SLC25A21: variants seen among roughly 807,000 people sequenced by gnomAD.
The protein encoded by SLC25A21 is solute carrier family 25 member 21, also known as mitochondrial 2-oxodicarboxylate carrier.
In SLC25A21, 47 loss-of-function variants were observed where a neutral mutation model predicts 43.8. The ratio of observed to expected loss-of-function variants is 1.07; its 90% CI spans 0.85 to 1.37. The LOEUF (loss-of-function observed/expected upper bound fraction) is 1.37, where lower values mean the gene tolerates loss of function less well. Ranked by LOEUF, SLC25A21 falls within the 40% of genes most tolerant of loss-of-function variation. The probability of loss-of-function intolerance (pLI) is 0.00; values close to 1 mark genes in which losing one functional copy is unlikely to be tolerated. For synonymous variants in SLC25A21, 131 were observed against 121.3 expected, an observed-to-expected ratio of 1.08 and a Z score of -0.52; for missense variants, 352 against 350.2, an observed-to-expected ratio of 1.00 and a Z score of -0.04.
At chr14:36,736,672 CAG>C (rs1214178200) in intron 3 of SLC25A21, among the ~76,000 whole-genome samples, 3 of 151,770 alleles carry the variant, frequency 2.0e-5, no homozygotes, top group Non-Finnish European at 2.9e-5. Flanking sequence ...GCTTTTAAAA[CAG>C]AGTGTCCAGA....
chr14:36,822,576 G>A (rs1022841085), intron 2 of SLC25A21, among the ~76,000 whole-genome samples: 3 of 152,168 alleles, frequency 2.0e-5, no homozygotes, highest in African/African-American at 7.2e-5. Context: ...GAAAAAATAT[G>A]TAACCTGGAG....
chr14:36,891,335 A>G (rs1433429351), intron 1 of SLC25A21, among the ~76,000 whole-genome samples: 2 of 152,138 alleles, frequency 1.3e-5, no homozygotes, highest in African/African-American at 2.4e-5. Flanking sequence ...ACATTTATCT[A>G]TTTTCCAGAT....
chr14:36,713,666 T>C (rs903468411), intron 6 of SLC25A21, among the ~76,000 whole-genome samples: 1 of 152,178 alleles, frequency 6.6e-6, no homozygotes, highest in African/African-American at 2.4e-5. Flanking sequence ...TCTAAATTTC[T>C]AAATAAGGAT....
At chr14:37,155,871 A>G (rs1047627265) in intron 1 of SLC25A21, among the ~76,000 whole-genome samples, 1 of 152,060 alleles carries the variant, frequency 6.6e-6, no homozygotes, top group African/African-American at 2.4e-5. Context: ...AAAACACACA[A>G]AAGTAGCCCA....
At chr14:37,137,154 C>G (rs985310073) in intron 1 of SLC25A21, among the ~76,000 whole-genome samples, 2 of 152,118 alleles carry the variant, frequency 1.3e-5, no homozygotes, top group Non-Finnish European at 2.9e-5. Context: ...CCCGCCACCT[C>G]GCCCAGCTAA....
intron 1 of SLC25A21, among the ~76,000 whole-genome samples, chr14:36,919,770 G>C (rs1891930910): frequency 6.6e-6 from 1 of 151,882 alleles, no homozygotes; most frequent in Admixed American, 6.6e-5. Context: ...TTGAATCAAA[G>C]TTATACACTC....
chr14:36,722,633 A>C (rs1343686495), intron 6 of SLC25A21, among the ~76,000 whole-genome samples: 3 of 152,156 alleles, frequency 2.0e-5, no homozygotes, highest in African/African-American at 7.2e-5. Flanking sequence ...GGGTTAAATA[A>C]AATATATTAT....
At chr14:36,925,210 A>G (rs1001781879) in intron 1 of SLC25A21, among the ~76,000 whole-genome samples, 1 of 152,196 alleles carries the variant, frequency 6.6e-6, no homozygotes, top group African/African-American at 2.4e-5. Context: ...CAACCTACAA[A>G]ATAGTAATCC....
intron 1 of SLC25A21, among the ~76,000 whole-genome samples, chr14:36,948,731 T>C (rs1335962923): frequency 1.3e-5 from 2 of 152,162 alleles, no homozygotes; most frequent in Non-Finnish European, 2.9e-5. Context: ...AAATGTGTTG[T>C]AGATATAAAA....
chr14:36,965,204 G>C (rs1046123700), intron 1 of SLC25A21, among the ~76,000 whole-genome samples: 3 of 152,068 alleles, frequency 2.0e-5, no homozygotes, highest in African/African-American at 7.2e-5. Flanking sequence ...CTGACCTACA[G>C]AGTAGACTTA....
chr14:37,133,812 T>C (rs1963432422), intron 1 of SLC25A21, among the ~76,000 whole-genome samples: 1 of 152,158 alleles, frequency 6.6e-6, no homozygotes, highest in African/African-American at 2.4e-5. Flanking sequence ...GCCTACATGT[T>C]CTTGTTTGCT....
chr14:36,703,181 A>G (rs1883355392), intron 7 of SLC25A21, among the ~76,000 whole-genome samples: 1 of 152,188 alleles, frequency 6.6e-6, no homozygotes, highest in Non-Finnish European at 1.5e-5. Context: ...ATTAAATCAT[A>G]CTATGCTCTA....
At chr14:36,801,268 T>C (rs1052650422) in intron 3 of SLC25A21, among the ~76,000 whole-genome samples, 1 of 152,186 alleles carries the variant, frequency 6.6e-6, no homozygotes, top group Non-Finnish European at 1.5e-5. Context: ...CTCCTGCTCA[T>C]ATGTGGCTCA....
intron 2 of SLC25A21, among the ~76,000 whole-genome samples, chr14:36,833,180 A>C (rs1242405686): frequency 6.6e-6 from 1 of 152,224 alleles, no homozygotes; most frequent in Non-Finnish European, 1.5e-5. Flanking sequence ...AATAAATTCT[A>C]TATATATACA....
intron 3 of SLC25A21, among the ~76,000 whole-genome samples, chr14:36,809,942 A>C (rs2774035): frequency 6.6e-6 from 1 of 152,126 alleles, no homozygotes; most frequent in South Asian, 2.1e-4. Context: ...GAACTTCTTT[A>C]ACTAGGGAAA....
intron 1 of SLC25A21, among the ~76,000 whole-genome samples, chr14:36,945,376 G>T (rs996664541): frequency 6.6e-6 from 1 of 152,120 alleles, no homozygotes; most frequent in Non-Finnish European, 1.5e-5. Flanking sequence ...ATACCCCAAA[G>T]AACTGAAAGC....
chr14:36,753,645 T>C (rs925897948), intron 3 of SLC25A21, among the ~76,000 whole-genome samples: 4 of 152,220 alleles, frequency 2.6e-5, no homozygotes, highest in South Asian at 2.1e-4. Flanking sequence ...TGCTTAGTAG[T>C]TGCATACTGT....
chr14:36,734,662 G>C (rs905505022), intron 3 of SLC25A21, 89 bp from the exon 4 acceptor site: 1 of 984,596 alleles, frequency 1.0e-6, no homozygotes, highest in African/African-American at 1.6e-5. Context: ...AAGTATTCCC[G>C]ATTATTCAAC....
At chr14:37,128,536 CTCTGTGTGTG>C (rs1378479054) in intron 1 of SLC25A21, among the ~76,000 whole-genome samples, 1 of 86,992 alleles carries the variant, frequency 1.1e-5, no homozygotes, top group African/African-American at 4.7e-5. Flanking sequence ...CTCTCTCTCT[CTCTGTGTGTG>C]TGTGTGTGTG....
Sources: allele counts gnomAD v4.1 joint callset (sites outside exome capture counted in the v4.1 genomes callset), GRCh38; gene constraint gnomAD v4.1.1; transcripts MANE v1.5; gene names NCBI Gene and HGNC (gene_info 2026-07-23, HGNC 2026-07-21).